The following ANKFN1 variants were observed in gnomAD, a reference collection of about 807,000 sequenced individuals.
ANKFN1 encodes ankyrin repeat and fibronectin type-III domain-containing protein 1.
A neutral mutation model predicts 108.7 loss-of-function variants in ANKFN1; 74 were observed. The observed-to-expected ratio is 0.68, with a 90% CI of 0.56 to 0.83. The LOEUF (loss-of-function observed/expected upper bound fraction) is 0.83. ANKFN1 is among the 40% of genes least tolerant of loss of function. ANKFN1 has a pLI of 0.00. For synonymous variants in ANKFN1, 547 were observed against 516.2 expected, an observed-to-expected ratio of 1.06 and a Z score of -0.81; for missense variants, 1,505 against 1,382.3, an observed-to-expected ratio of 1.09 and a Z score of -1.41.
At chr17:56,288,813 C>T (rs2044287093) in intron 3 of ANKFN1, among the ~76,000 whole-genome samples, 1 of 152,216 alleles carries the variant, frequency 6.6e-6, no homozygotes, top group Non-Finnish European at 1.5e-5. Context: ...TCCTCTTTCC[C>T]TCCTCCCCAT....
intron 3 of ANKFN1, among the ~76,000 whole-genome samples, chr17:56,284,174 G>A (rs1293235990): frequency 3.3e-5 from 5 of 152,136 alleles, no homozygotes; most frequent in South Asian, 4.1e-4. Flanking sequence ...AGAAGAGATT[G>A]ATTTTCCTTA....
intron 1 of ANKFN1, among the ~76,000 whole-genome samples, chr17:56,183,310 T>G (rs1409085874): frequency 6.6e-6 from 1 of 152,158 alleles, no homozygotes; most frequent in African/African-American, 2.4e-5. Flanking sequence ...CTAGATGCCA[T>G]TAAGAACATC....
intron 8 of ANKFN1, among the ~76,000 whole-genome samples, chr17:56,388,848 C>G (rs1001421328): frequency 6.6e-6 from 1 of 152,136 alleles, no homozygotes; most frequent in Non-Finnish European, 1.5e-5. Context: ...CAAATTAAAA[C>G]TGCAATGAAC....
chr17:56,201,649 T>C lies in ANKFN1; in HGVS notation c.-70-10949T>C, dbSNP rs182654010. Reference sequence around the variant, plus strand: ...AAGAGTTAAGAACTAAGGAGTGCTTTAGCTGATCGAATGTTATTTGTGAAA... The same window carrying C: ...AAGAGTTAAGAACTAAGGAGTGCTTCAGCTGATCGAATGTTATTTGTGAAA... On this transcript the variant is annotated intron_variant, in intron 1 of 20. Transcript: ENST00000682825. 2.7e-5 allele frequency among the ~76,000 whole-genome samples: 4 copies of C among 150,826 alleles called. No homozygotes were observed. The East Asian group carries it at 7.8e-4, about 29-fold the overall frequency.
intron 4 of ANKFN1, among the ~76,000 whole-genome samples, chr17:56,137,220 C>T (rs567555668): frequency 2.6e-5 from 4 of 152,076 alleles, no homozygotes; most frequent in Non-Finnish European, 5.9e-5. Context: ...AATGAGTTTC[C>T]CAGCAGAAAA....
chr17:56,339,495 G>A (rs1456059862), intron 4 of ANKFN1, among the ~76,000 whole-genome samples: 2 of 151,856 alleles, frequency 1.3e-5, no homozygotes, highest in Non-Finnish European at 2.9e-5. Context: ...AGTATCTCTT[G>A]TTCCCCTCTA....
chr17:56,180,989 A>T (rs1162178864), intron 1 of ANKFN1, among the ~76,000 whole-genome samples: 1 of 152,170 alleles, frequency 6.6e-6, no homozygotes, highest in Non-Finnish European at 1.5e-5. Flanking sequence ...GCCTTACATT[A>T]TGTGTAGCAC....
chr17:56,442,003 T>C (rs2145167799), intron 9 of ANKFN1, among the ~76,000 whole-genome samples: 1 of 151,810 alleles, frequency 6.6e-6, no homozygotes, highest in South Asian at 2.1e-4. Context: ...TGGAAAAAAA[T>C]ATAAAAGCAA....
chr17:56,124,257 G>A (rs909145286), intron 4 of ANKFN1, among the ~76,000 whole-genome samples: 4 of 152,192 alleles, frequency 2.6e-5, no homozygotes, highest in African/African-American at 9.7e-5. Context: ...TATAATGTGT[G>A]TGAATTTCCA....
rs776319076 is a variant in ANKFN1 at position 56,353,871 on chromosome 17, C to T, written c.426C>T (p.Val142=). The change falls in exon 6 of 21, where the codon GTC becomes GTT. Residue 142 remains valine (V), a synonymous_variant. Transcript: ENST00000682825. ...FQGNEAMFEA[V]EQQDMDAVQI... ...GCAATGAAGCCATGTTTGAGGCAGT[C>T]GAACAGCAGGACATGGATGCTGTGC... The T allele has an allele frequency of 9.9e-6, 16 of 1,613,840 alleles. No homozygotes were observed. Among genetic ancestry groups the T allele is most frequent in the African/African-American group, 5.3e-5 (4 of 74,878 alleles).
chr17:56,376,063 C>T (rs549875191), intron 8 of ANKFN1, among the ~76,000 whole-genome samples: 2 of 152,292 alleles, frequency 1.3e-5, no homozygotes, highest in African/African-American at 2.4e-5. Flanking sequence ...TAAAGCTCTC[C>T]ACACATATTC....
chr17:56,261,131 G>A (rs560503191), intron 3 of ANKFN1, among the ~76,000 whole-genome samples: 4 of 152,282 alleles, frequency 2.6e-5, no homozygotes, highest in Admixed American at 2.0e-4. Flanking sequence ...CCCTAAGCCA[G>A]TGGCACCCCA....
intron 4 of ANKFN1, among the ~76,000 whole-genome samples, chr17:56,142,904 T>A (rs1489910833): frequency 6.6e-6 from 1 of 152,182 alleles, no homozygotes; most frequent in Non-Finnish European, 1.5e-5. Context: ...AAATACTCTA[T>A]GATTCCCCAC....
At chr17:56,281,458 A>G (rs1016311477) in intron 3 of ANKFN1, among the ~76,000 whole-genome samples, 2 of 152,226 alleles carry the variant, frequency 1.3e-5, no homozygotes, top group African/African-American at 4.8e-5. Flanking sequence ...AAGAAAATAT[A>G]AGATAAACCA....
chr17:56,274,199 G>A (rs2043859159), intron 3 of ANKFN1, among the ~76,000 whole-genome samples: 1 of 152,198 alleles, frequency 6.6e-6, no homozygotes, highest in Non-Finnish European at 1.5e-5. Context: ...TGGATGCTGA[G>A]CAGCAAAAGT....
intron 4 of ANKFN1, among the ~76,000 whole-genome samples, chr17:56,350,146 G>T (rs557014802): frequency 3.3e-5 from 5 of 152,248 alleles, no homozygotes; most frequent in Non-Finnish European, 7.4e-5. Context: ...GCCCCAGCCA[G>T]GGTATCTGGG....
upstream of ANKFN1, among the ~76,000 whole-genome samples, chr17:56,151,592 G>T (rs1057188818): frequency 6.6e-6 from 1 of 152,018 alleles, no homozygotes; most frequent in African/African-American, 2.4e-5. Flanking sequence ...CAAAGCCAAG[G>T]GTATTGAAAA....
intron 14 of ANKFN1, among the ~76,000 whole-genome samples, chr17:56,460,977 A>G (rs973186979): frequency 5.9e-5 from 9 of 152,234 alleles, no homozygotes; most frequent in Non-Finnish European, 1.3e-4. Context: ...TAAGGGCACC[A>G]GAAACCAGAA....
At chr17:56,096,931 C>G (rs1027536877) in intron 4 of ANKFN1, among the ~76,000 whole-genome samples, 14 of 152,324 alleles carry the variant, frequency 9.2e-5, no homozygotes, top group African/African-American at 3.1e-4. Flanking sequence ...ACTACGCAGT[C>G]ACTAACAAGA....
Sources: allele counts gnomAD v4.1 joint callset (sites outside exome capture counted in the v4.1 genomes callset), GRCh38; gene constraint gnomAD v4.1.1; transcripts MANE v1.5; gene names NCBI Gene and HGNC (gene_info 2026-07-23, HGNC 2026-07-21).